SOBP: variants seen among roughly 807,000 people sequenced by gnomAD.
SOBP encodes sine oculis binding protein homolog.
SOBP carries 4 observed loss-of-function variants against 53.6 expected under a neutral mutation model. The ratio of observed to expected loss-of-function variants is 0.07; its 90% CI spans 0.04 to 0.17. The LOEUF is 0.17. Among genes scored for constraint, SOBP ranks in the 10% least tolerant of loss-of-function variants. The pLI is 1.00. For missense variants in SOBP, 1,088 were observed against 1,204.7 expected (o/e 0.90, Z 1.43); for synonymous variants, 584 against 522.6 (o/e 1.12, Z -1.60).
chr6:107,578,073 C>CAAAAAA (rs11362582), intron 4 of SOBP, among the ~76,000 whole-genome samples: 3 of 87,446 alleles, frequency 3.4e-5, no homozygotes, highest in Admixed American at 1.1e-4. Context: ...GACTCTGTCT[C>CAAAAAA]AAAAAAAAAA....
chr6:107,505,080 A>T (rs1379662908), intron 2 of SOBP, among the ~76,000 whole-genome samples: 1 of 152,092 alleles, frequency 6.6e-6, no homozygotes, highest in Non-Finnish European at 1.5e-5. Context: ...AGTTTTTAAA[A>T]TTTTTATTTT....
At chr6:107,522,847 T>A (rs1166349237) in intron 3 of SOBP, among the ~76,000 whole-genome samples, 1 of 151,978 alleles carries the variant, frequency 6.6e-6, no homozygotes, top group East Asian at 1.9e-4. Flanking sequence ...CCCAGCTGTG[T>A]AAAAATATTT....
intron 4 of SOBP, among the ~76,000 whole-genome samples, chr6:107,541,701 A>G (rs1391977170): frequency 6.6e-6 from 1 of 152,212 alleles, no homozygotes; most frequent in Non-Finnish European, 1.5e-5. Flanking sequence ...GTTTTGATAG[A>G]ATGATTTCAT....
intron 1 of SOBP, among the ~76,000 whole-genome samples, chr6:107,491,082 C>G (rs1447065418): frequency 1.3e-5 from 2 of 152,122 alleles, no homozygotes; most frequent in African/African-American, 4.8e-5. Flanking sequence ...CAGGGTCCCT[C>G]CAAAGTTAGG....
chr6:107,522,537 CTTTTT>C (rs71551313), intron 3 of SOBP, among the ~76,000 whole-genome samples: 26 of 74,112 alleles, frequency 3.5e-4, no homozygotes, highest in Non-Finnish European at 7.4e-5. Flanking sequence ...AGTATAAAAA[CTTTTT>C]TTTTTTTTTT....
rs560304350 is a variant in SOBP, at chr6:107,538,094, G to A, written c.573+4484G>A. On this transcript the variant is annotated intron_variant, in intron 4 of 6. Coordinates refer to ENST00000317357, the MANE Select transcript of SOBP (RefSeq NM_018013.4). Reference sequence around the variant, plus strand: ...CAGACTATATTCTTGGTTATACAGCGATCTCTTCTTAGAAGACATTTCTTT... The same window carrying A: ...CAGACTATATTCTTGGTTATACAGCAATCTCTTCTTAGAAGACATTTCTTT... 7.2e-5 allele frequency among the ~76,000 whole-genome samples: 11 copies of A among 152,138 alleles called. No individual in the cohort carries two copies. The South Asian group carries it at 1.2e-3, about 17-fold the overall frequency.
Position 107,634,078 on chromosome 6 carries a change from A to C in SOBP, c.1234A>C (p.Ile412Leu), listed in dbSNP as rs1770847360. 1 of 1,600,160 alleles carries C rather than the reference A, an allele frequency of 6.2e-7. No individual in the cohort carries two copies. Among genetic ancestry groups the C allele is most frequent in the African/African-American group, 1.3e-5 (1 of 74,740 alleles). ...QIMQQIRPPF[I>L]RGPPHHASNP... ...CATGCAGCAGATCCGCCCGCCCTTC[A>C]TCCGCGGGCCTCCGCACCATGCCTC... Residue 412 changes from isoleucine (I) to leucine (L), a missense_variant, in exon 6 of 7, where the codon ATC becomes CTC. Ile to Leu is a conservative substitution (Grantham distance 5). Around this residue, in one of 6 missense-constraint regions of SOBP, gnomAD observed 211 missense variants for 258.9 expected, o/e 0.82. Transcript: ENST00000317357. This position sits in a 1 kb window ranked among gnomAD's most constrained non-coding sequence, Gnocchi z 4.5.
intron 4 of SOBP, among the ~76,000 whole-genome samples, chr6:107,586,009 C>CA (rs1209066680): frequency 2.0e-5 from 3 of 152,166 alleles, no homozygotes; most frequent in African/African-American, 7.2e-5. Flanking sequence ...CCCTTGGTGC[C>CA]AGACATACAT....
intron 4 of SOBP, among the ~76,000 whole-genome samples, chr6:107,553,820 C>T (rs1024029464): frequency 6.6e-6 from 1 of 152,082 alleles, no homozygotes; most frequent in Admixed American, 6.6e-5. Context: ...CGAGGTTTTG[C>T]TGTGTTGGCC....
chr6:107,629,880 A>T (rs910268147), intron 5 of SOBP, among the ~76,000 whole-genome samples: 1 of 152,200 alleles, frequency 6.6e-6, no homozygotes, highest in African/African-American at 2.4e-5. Flanking sequence ...CTTTTTGAGG[A>T]CTGCTGTTAT....
intron 5 of SOBP, among the ~76,000 whole-genome samples, chr6:107,589,451 AG>A (rs943859529): frequency 1.2e-4 from 18 of 152,332 alleles, no homozygotes; most frequent in African/African-American, 3.8e-4. Flanking sequence ...AGGAATATTA[AG>A]TAACTTAAAC....
chr6:107,598,908 A>G (rs1345706737), intron 5 of SOBP, among the ~76,000 whole-genome samples: 1 of 152,244 alleles, frequency 6.6e-6, no homozygotes, highest in African/African-American at 2.4e-5. Context: ...TTAAGTAGCT[A>G]GTTGTGTGCA....
intron 3 of SOBP, among the ~76,000 whole-genome samples, chr6:107,523,117 CG>C (rs1783562134): frequency 6.6e-6 from 1 of 152,100 alleles, no homozygotes; most frequent in South Asian, 2.1e-4. Context: ...ATTTGGGCAT[CG>C]TCGTATTATG....
At chr6:107,592,530 G>A (rs117040290) in intron 5 of SOBP, among the ~76,000 whole-genome samples, 97 of 152,200 alleles carry the variant, frequency 6.4e-4, no homozygotes, top group Middle Eastern at 6.8e-3. Flanking sequence ...CCAGATTTAC[G>A]CCCCAGCTCA....
chr6:107,496,932 G>C (rs1782716581), intron 1 of SOBP, among the ~76,000 whole-genome samples: 1 of 152,122 alleles, frequency 6.6e-6, no homozygotes, highest in South Asian at 2.1e-4. Flanking sequence ...TGATCCACTG[G>C]GTCTGTGTTA....
rs1242858209 is a variant in SOBP, at chr6:107,633,695, A to G, written c.851A>G (p.Glu284Gly). Residue 284 changes from glutamate (E) to glycine (G), a missense_variant, in exon 6 of 7, where the codon GAA (glutamate) becomes GGA (glycine). Transcript: ENST00000317357. Reference sequence around the variant, plus strand: ...TGCAGCACATTACACCCTCCCATGGAAAATAAAGCAGAAGGCACCGGGGTG... The same window carrying G: ...TGCAGCACATTACACCCTCCCATGGGAAATAAAGCAGAAGGCACCGGGGTG... ...GLCSTLHPPM[E>G]NKAEGTGVQL... 2 of 1,614,224 alleles carry G rather than the reference A, an allele frequency of 1.2e-6. No homozygotes were observed. Among genetic ancestry groups the G allele is most frequent in the Non-Finnish European group, 8.5e-7 (1 of 1,180,034 alleles).
chr6:107,527,904 C>T (rs1191986635), intron 3 of SOBP, among the ~76,000 whole-genome samples: 1 of 152,200 alleles, frequency 6.6e-6, no homozygotes. Context: ...CATATTCATA[C>T]TTAAAAGGCA....
intron 3 of SOBP, chr6:107,509,961 C>T (rs1051279044): frequency 1.3e-5 from 2 of 152,160 alleles, no homozygotes; most frequent in African/African-American, 2.4e-5. Flanking sequence ...TATGACAAGA[C>T]AAAGATACAA....
intron 1 of SOBP, among the ~76,000 whole-genome samples, chr6:107,500,704 T>G (rs865977163): frequency 5.3e-5 from 8 of 151,354 alleles, no homozygotes; most frequent in South Asian, 4.2e-4. Flanking sequence ...TGTATTTTTA[T>G]TAGAGACGGA....
Sources: gnomAD v4.1 joint callset for allele counts (sites outside exome capture counted in the v4.1 genomes callset) on GRCh38, gnomAD v4.1.1 for gene constraint, gnomAD v4.1.1 regional missense constraint, Gnocchi (gnomAD v3.1) non-coding constraint, MANE v1.5 for transcripts, NCBI Gene and HGNC (gene_info 2026-07-23, HGNC 2026-07-21) for gene names.